PTPRG: variants seen among roughly 807,000 people sequenced by gnomAD.
PTPRG encodes the protein protein tyrosine phosphatase receptor type G.
In PTPRG, 102 loss-of-function variants were observed where a neutral mutation model predicts 165.3. The observed-to-expected ratio is 0.62, with a 90% CI of 0.53 to 0.73. The LOEUF (loss-of-function observed/expected upper bound fraction) is 0.73, where lower values mean the gene tolerates loss of function less well. PTPRG is among the 30% of genes least tolerant of loss of function. The pLI is 0.00. For missense variants in PTPRG, 1,866 were observed against 1,861.4 expected (o/e 1.00, Z -0.05); for synonymous variants, 675 against 669.5 (o/e 1.01, Z -0.13).
At chr3:61,584,995 A>G (rs550444209) in intron 1 of PTPRG, among the ~76,000 whole-genome samples, 134 of 152,318 alleles carry the variant, frequency 8.8e-4, no homozygotes, top group African/African-American at 3.2e-3. Flanking sequence ...AAATAGGGGA[A>G]TTCAGCTGGG....
Position 61,887,152 on chromosome 3 carries a change from ATATATATATATATATATATT to A in PTPRG, c.191-102471_191-102452del, listed in dbSNP as rs1321759395. Among the ~76,000 whole-genome samples the A allele has an allele frequency of 6.2e-4, 36 of 58,308 alleles. 1 individual carries two copies. The highest frequency in any genetic ancestry group is 1.2e-3 in the African/African-American group (31 of 26,346). 38.3% of individuals were successfully genotyped at this position (58,308 alleles called of 152,430 possible). A position where few individuals can be genotyped will look rare whatever the true frequency, so the allele number is the denominator to read the frequency against. ...TATATATATATATATATATATATAT[ATATATATATATATATATATT>A]TTTAATGCCATCATCAAACACTCAT... On this transcript the variant is annotated intron_variant, in intron 2 of 29. Transcript: ENST00000474889.
intron 4 of PTPRG, among the ~76,000 whole-genome samples, chr3:62,075,932 C>T (rs1701365954): frequency 6.6e-6 from 1 of 152,086 alleles, no homozygotes; most frequent in African/African-American, 2.4e-5. Flanking sequence ...GAATCACACT[C>T]TTACTAGAAA....
Position 61,848,996 on chromosome 3 carries a change from T to C in PTPRG, c.190+100014T>C, listed in dbSNP as rs188513712. On this transcript the variant is annotated intron_variant, in intron 2 of 29. Coordinates refer to ENST00000474889, the MANE Select transcript of PTPRG (RefSeq NM_002841.4). ...GTTCCTTCCCGGAGTGTTTGTGAAATAATGATTTCATTAAACATTGTTCAA... is the reference window on the plus strand; with the variant it reads ...GTTCCTTCCCGGAGTGTTTGTGAAACAATGATTTCATTAAACATTGTTCAA... Among the ~76,000 whole-genome samples, 412 of 152,346 alleles carry C rather than the reference T, an allele frequency of 2.7e-3. 5 individuals are homozygous for C. The highest frequency in any genetic ancestry group is 9.4e-3 in the African/African-American group (390 of 41,582).
chr3:62,167,953 C>T lies in PTPRG; in HGVS notation c.841-18C>T, dbSNP rs763729213. 5.6e-6 allele frequency: 9 copies of T among 1,600,796 alleles called. No homozygotes were observed. In the South Asian group the frequency reaches 9.9e-5, roughly 18 times the overall value. ...GTTGTTTTTTTTTTCCCCCTCCCCT[C>T]TCTGGTCCTCTGTTCAGCTTGAGGC... On this transcript the variant is annotated intron_variant, in intron 7 of 29. Transcript: ENST00000474889.
intron 1 of PTPRG, among the ~76,000 whole-genome samples, chr3:61,717,614 C>T (rs1224180222): frequency 2.0e-5 from 3 of 151,794 alleles, no homozygotes; most frequent in East Asian, 1.9e-4. Flanking sequence ...TGTGAAGCCC[C>T]GTCTCTACTA....
At chr3:61,959,988 C>G (rs1190552096) in intron 2 of PTPRG, among the ~76,000 whole-genome samples, 1 of 152,156 alleles carries the variant, frequency 6.6e-6, no homozygotes, top group Non-Finnish European at 1.5e-5. Context: ...GTTCCATGTG[C>G]CTGGAATGCC....
intron 2 of PTPRG, among the ~76,000 whole-genome samples, chr3:61,929,756 G>C (rs2039313179): frequency 1.3e-5 from 2 of 152,216 alleles, no homozygotes; most frequent in Non-Finnish European, 2.9e-5. Flanking sequence ...CAGTGATTCA[G>C]GAGCAAGAGC....
At chr3:61,755,169 GAC>G (rs1559594015) in intron 2 of PTPRG, among the ~76,000 whole-genome samples, 1 of 151,998 alleles carries the variant, frequency 6.6e-6, no homozygotes, top group African/African-American at 2.4e-5. Context: ...CACCACGCCC[GAC>G]TAATTTTTGT....
chr3:61,996,189 A>G (rs567024202), intron 3 of PTPRG, among the ~76,000 whole-genome samples: 5 of 152,342 alleles, frequency 3.3e-5, no homozygotes, highest in Admixed American at 3.3e-4. Context: ...TCTTATTGTA[A>G]TAAAACCTCT....
At position 61,898,185 on chromosome 3, in the gene PTPRG, G is replaced by A. The variant is rs569371408; in HGVS notation, c.191-91440G>A. ...CATTAAGTATGCTAGCTATACTTAC[G>A]TTACAAATCTCTCTGTAGGTGTTCC... On this transcript the variant is annotated intron_variant, in intron 2 of 29. Transcript: ENST00000474889. Among the ~76,000 whole-genome samples the A allele has an allele frequency of 9.1e-4, 139 of 152,142 alleles. 3 individuals carry two copies. In the South Asian group the frequency reaches 0.027, roughly 29 times the overall value.
Position 61,986,495 on chromosome 3 carries a change from A to G in PTPRG, c.191-3130A>G, listed in dbSNP as rs78351777. Among the ~76,000 whole-genome samples the G allele has an allele frequency of 7.9e-3, 1,201 of 152,302 alleles. 112 individuals are homozygous for G. In the East Asian group the frequency reaches 0.2, roughly 25 times the overall value. On this transcript the variant is annotated intron_variant, in intron 2 of 29. Transcript: ENST00000474889. ...GTTTATTGAATTCATTAAAAAGGAT[A>G]TATTTGTCATCACATGTTGAATGAG...
intron 4 of PTPRG, among the ~76,000 whole-genome samples, chr3:62,058,658 C>G (rs1028508820): frequency 6.6e-6 from 1 of 152,100 alleles, no homozygotes; most frequent in African/African-American, 2.4e-5. Flanking sequence ...TCCCGGGAAG[C>G]AGTGCATGTG....
intron 1 of PTPRG, among the ~76,000 whole-genome samples, chr3:61,701,427 T>C (rs973396778): frequency 7.2e-5 from 11 of 152,352 alleles, no homozygotes; most frequent in African/African-American, 2.6e-4. Context: ...TCACATTTTC[T>C]TATTTATGTT....
chr3:62,054,636 AT>A (rs1054166175), intron 4 of PTPRG, among the ~76,000 whole-genome samples: 4 of 152,230 alleles, frequency 2.6e-5, no homozygotes, highest in Admixed American at 6.5e-5. Context: ...CAGCTGCCTA[AT>A]CATGTGTCTC....
intron 2 of PTPRG, among the ~76,000 whole-genome samples, chr3:61,764,550 A>G (rs534480676): frequency 2.8e-4 from 42 of 152,206 alleles, no homozygotes; most frequent in Non-Finnish European, 4.9e-4. Context: ...GATTTAGGGG[A>G]GAGAGTTGTT....
In PTPRG at chr3:62,051,203, G is replaced by T. The variant is rs556068109; in HGVS notation, c.520-26960G>T. On this transcript the variant is annotated intron_variant, in intron 4 of 29. Coordinates refer to ENST00000474889, the MANE Select transcript of PTPRG (RefSeq NM_002841.4). ...CAAATATTTATTGAGTGTCATCCATGAGCAAAATATAGAAAGTAATAAGAG... is the reference window on the plus strand; with the variant it reads ...CAAATATTTATTGAGTGTCATCCATTAGCAAAATATAGAAAGTAATAAGAG... Among the ~76,000 whole-genome samples the T allele has an allele frequency of 3.3e-5, 5 of 152,274 alleles. No individual in the cohort carries two copies. The East Asian group carries it at 9.7e-4, about 29-fold the overall frequency.
chr3:62,172,753 G>C (rs1705266695), intron 8 of PTPRG, among the ~76,000 whole-genome samples: 3 of 152,198 alleles, frequency 2.0e-5, no homozygotes. Context: ...TTTAAAAAGA[G>C]AATGAGTGGT....
chr3:61,681,511 C>A (rs893691148), intron 1 of PTPRG, among the ~76,000 whole-genome samples: 1 of 152,178 alleles, frequency 6.6e-6, no homozygotes, highest in African/African-American at 2.4e-5. Context: ...ATGAATTCAG[C>A]TCTTCAGAGG....
intron 2 of PTPRG, among the ~76,000 whole-genome samples, chr3:61,879,888 T>C (rs2037838779): frequency 6.6e-6 from 1 of 152,200 alleles, no homozygotes; most frequent in Admixed American, 6.6e-5. Context: ...AGCCTTTACG[T>C]TATAATGAAA....
Sources: gnomAD v4.1 joint callset for allele counts (sites outside exome capture counted in the v4.1 genomes callset) on GRCh38, gnomAD v4.1.1 for gene constraint, MANE v1.5 for transcripts, NCBI Gene and HGNC (gene_info 2026-07-23, HGNC 2026-07-21) for gene names.